Variants in STXBP5 observed in about 807,000 individuals in gnomAD.
The protein encoded by STXBP5 is syntaxin binding protein 5, also known as syntaxin-binding protein 5.
A neutral mutation model predicts 152.4 loss-of-function variants in STXBP5; 50 were observed. The observed-to-expected ratio is 0.33, with a 90% confidence interval of 0.26 to 0.42. The LOEUF (loss-of-function observed/expected upper bound fraction) is 0.42. Among genes scored for constraint, STXBP5 ranks in the 10% least tolerant of loss-of-function variants. The probability of loss-of-function intolerance (pLI) is 1.00; values close to 1 mark genes in which losing one functional copy is unlikely to be tolerated. For missense variants in STXBP5, 1,167 were observed against 1,388.6 expected, an observed-to-expected ratio of 0.84 and a Z score of 2.54; for synonymous variants, 492 against 494.7, an observed-to-expected ratio of 0.99 and a Z score of 0.07.
intron 2 of STXBP5, among the ~76,000 whole-genome samples, chr6:147,231,442 A>G (rs1409378404): frequency 6.6e-6 from 1 of 151,896 alleles, no homozygotes; most frequent in African/African-American, 2.4e-5. Flanking sequence ...AAAAACAAGA[A>G]TTACTAGTGG....
At chr6:147,285,598 A>G (rs1286538319) in intron 8 of STXBP5, among the ~76,000 whole-genome samples, 1 of 152,142 alleles carries the variant, frequency 6.6e-6, no homozygotes, top group African/African-American at 2.4e-5. Context: ...TCAGAGGGAC[A>G]GAAGTAAAAG....
chr6:147,320,579 G>GTGTGTGTGTGTGTGTGTT (rs1554297945), intron 16 of STXBP5, among the ~76,000 whole-genome samples: 54 of 149,072 alleles, frequency 3.6e-4, no homozygotes, highest in African/African-American at 1.3e-3. Context: ...GTGTGTGTGT[G>GTGTGTGTGTGTGTGTGTT]TGTGTGTGTG....
chr6:147,255,299 C>T (rs139485126), intron 4 of STXBP5, among the ~76,000 whole-genome samples: 12 of 152,188 alleles, frequency 7.9e-5, no homozygotes, highest in African/African-American at 1.7e-4. Flanking sequence ...TACGCTGAGG[C>T]GTGTCGGAGG....
rs752686163 is a variant in STXBP5 at position 147,382,795 on chromosome 6, G to A, written c.3211G>A (p.Gly1071Arg). ...REELFGESSS[G>R]KASRSLAQHI... ...GTGTTCAGTTGGAGAATCGTCCTCA[G>A]GAAAGGCTTCAAGGAGCCTTGCACA... Residue 1071 changes from glycine (G) to arginine (R), a missense_variant, in exon 27 of 28, where the codon GGA becomes AGA. Around this residue, in one of 3 missense-constraint regions of STXBP5, gnomAD observed 833 missense variants for 986.3 expected, o/e 0.84. Transcript: ENST00000321680. The A allele has an allele frequency of 6.2e-7, 1 of 1,613,294 alleles. No individual in the cohort carries two copies. The highest frequency in any genetic ancestry group is 1.1e-5 in the South Asian group (1 of 91,056).
chr6:147,349,761 A>G (rs1784507017), intron 21 of STXBP5, among the ~76,000 whole-genome samples: 2 of 152,196 alleles, frequency 1.3e-5, no homozygotes, highest in African/African-American at 4.8e-5. Context: ...GGCACATTAC[A>G]GACATATGCC....
At chr6:147,346,663 C>T (rs1056997255) in intron 21 of STXBP5, among the ~76,000 whole-genome samples, 1 of 151,918 alleles carries the variant, frequency 6.6e-6, no homozygotes, top group African/African-American at 2.4e-5. Context: ...TTGCTCGAAC[C>T]CAGGCGGCGG....
At chr6:147,298,291 A>T (rs565825188) in intron 9 of STXBP5, among the ~76,000 whole-genome samples, 3 of 152,168 alleles carry the variant, frequency 2.0e-5, no homozygotes, top group Non-Finnish European at 4.4e-5. Flanking sequence ...TAGCATGAGG[A>T]TTTAAGAATT....
intron 7 of STXBP5, among the ~76,000 whole-genome samples, chr6:147,276,145 G>T (rs566999888): frequency 1.6e-4 from 24 of 152,212 alleles, no homozygotes; most frequent in African/African-American, 5.5e-4. Context: ...TATGTTTTAT[G>T]CATGGTAGAT....
intron 4 of STXBP5, among the ~76,000 whole-genome samples, chr6:147,244,995 T>TC (rs1432173319): frequency 2.7e-5 from 4 of 146,010 alleles, no homozygotes; most frequent in African/African-American, 1.0e-4. Context: ...TGCTTTTTTT[T>TC]TTTTTTTTTT....
intron 2 of STXBP5, among the ~76,000 whole-genome samples, chr6:147,208,971 CCTT>C (rs1484256233): frequency 6.6e-6 from 1 of 151,978 alleles, no homozygotes; most frequent in African/African-American, 2.4e-5. Context: ...GAATGCTAAA[CCTT>C]CTTGGCTTCT....
intron 7 of STXBP5, among the ~76,000 whole-genome samples, chr6:147,277,016 A>C (rs1433668408): frequency 6.6e-6 from 1 of 152,060 alleles, no homozygotes; most frequent in Non-Finnish European, 1.5e-5. Flanking sequence ...TTTTTGACTT[A>C]TGATATTTTT....
chr6:147,375,500 A>C (rs981631701), intron 26 of STXBP5, among the ~76,000 whole-genome samples: 1 of 152,050 alleles, frequency 6.6e-6, no homozygotes, highest in Non-Finnish European at 1.5e-5. Flanking sequence ...AATGCAGCAC[A>C]AAGAAACAAA....
chr6:147,291,045 G>A (rs1317681124), intron 8 of STXBP5, 49 bp from the exon 9 acceptor site: 8 of 1,377,702 alleles, frequency 5.8e-6, no homozygotes, highest in African/African-American at 5.8e-5. Context: ...ATGTAAGAAT[G>A]TAGAGTAACT....
chr6:147,238,992 AC>A (rs1778408372), intron 3 of STXBP5, among the ~76,000 whole-genome samples, 177 bp from the exon 4 acceptor site: 1 of 152,222 alleles, frequency 6.6e-6, no homozygotes, highest in Admixed American at 6.5e-5. Flanking sequence ...TGCATGTAAT[AC>A]ACGTACACTT....
intron 21 of STXBP5, among the ~76,000 whole-genome samples, chr6:147,350,001 G>A (rs1387216582): frequency 6.6e-6 from 1 of 152,132 alleles, no homozygotes; most frequent in Non-Finnish European, 1.5e-5. Context: ...GTCAAAGTTG[G>A]TGTCCAGGTT....
chr6:147,310,285 T>TAAA (rs11415538), intron 10 of STXBP5, 47 bp downstream of exon 10: 290 of 1,124,338 alleles, frequency 2.6e-4, no homozygotes, highest in Middle Eastern at 7.3e-4. Context: ...GAGCTGATAT[T>TAAA]AAAAAAAAAA....
chr6:147,367,042 T>C (rs562469004), intron 25 of STXBP5, among the ~76,000 whole-genome samples: 1 of 152,136 alleles, frequency 6.6e-6, no homozygotes, highest in African/African-American at 2.4e-5. Context: ...ATACCAGAAT[T>C]GGCACACAAA....
At chr6:147,324,743 C>T (rs926540162) in intron 16 of STXBP5, among the ~76,000 whole-genome samples, 1 of 151,806 alleles carries the variant, frequency 6.6e-6, no homozygotes, top group East Asian at 1.9e-4. Flanking sequence ...TTCACCCCTG[C>T]TGTCCTCCCC....
intron 21 of STXBP5, among the ~76,000 whole-genome samples, chr6:147,350,397 G>A (rs927019939): frequency 5.9e-5 from 9 of 152,072 alleles, no homozygotes; most frequent in Admixed American, 2.6e-4. Context: ...TGGCAGCAAT[G>A]TATGTATAGA....
Sources: allele counts gnomAD v4.1 joint callset (sites outside exome capture counted in the v4.1 genomes callset), GRCh38; gene constraint gnomAD v4.1.1; regional missense constraint gnomAD v4.1.1; transcripts MANE v1.5; gene names NCBI Gene and HGNC (gene_info 2026-07-23, HGNC 2026-07-21).